Variants in TAF8 observed in about 807,000 individuals in gnomAD.
The protein encoded by TAF8 is transcription initiation factor TFIID subunit 8.
In TAF8, 47 loss-of-function variants were observed where a neutral mutation model predicts 36.5. The observed-to-expected ratio is 1.29, with a 90% confidence interval of 1.02 to 1.64. The LOEUF (loss-of-function observed/expected upper bound fraction) is 1.64. TAF8 is among the 40% of genes most tolerant of loss of function. The probability of loss-of-function intolerance (pLI) is 0.00; values close to 1 mark genes in which losing one functional copy is unlikely to be tolerated. For missense variants in TAF8, 420 were observed against 407.6 expected (o/e 1.03, Z -0.26); for synonymous variants, 175 against 159.5 (o/e 1.10, Z -0.73).
Position 42,080,353 on chromosome 6 carries a change from A to C in TAF8, c.*2808A>C. The C allele has an allele frequency of 2.0e-6, 2 of 985,864 alleles. No individual in the cohort carries two copies. The highest frequency in any genetic ancestry group is 1.2e-6 in the Non-Finnish European group (1 of 833,392). 61.1% of individuals were successfully genotyped at this position (985,864 alleles called of 1,614,324 possible). On this transcript the variant is annotated 3_prime_UTR_variant, in exon 9 of 9. Transcript: ENST00000372977. ...TTCTGCTGTTGAGATTTCAGAGGCT[A>C]TACTCTTTTTTTTTCTTTTCTTTTT...
chr6:42,052,258 TATC>T (rs1285544831), intron 2 of TAF8, among the ~76,000 whole-genome samples: 1 of 151,948 alleles, frequency 6.6e-6, no homozygotes, highest in Non-Finnish European at 1.5e-5. Context: ...ATGCAATAGA[TATC>T]ATCACATTAT....
At position 42,082,101 on chromosome 6, in the gene TAF8, CGTGT is replaced by C. The variant is rs781286883; in HGVS notation, c.*4561_*4564del. On this transcript the variant is annotated 3_prime_UTR_variant, in exon 9 of 9. Coordinates refer to ENST00000372977, the MANE Select transcript of TAF8 (RefSeq NM_138572.3). The stretch of plus-strand genomic sequence containing the variant: ...GCTTATTTAGTTTTCACCATGTGCA[CGTGT>C]GTGTTATGTGTGTGTTGTTCCGTGC... The C allele has an allele frequency of 6.6e-6, 1 of 152,212 alleles. No individual in the cohort carries two copies. Among genetic ancestry groups the C allele is most frequent in the African/African-American group, 2.4e-5 (1 of 41,434 alleles). The allele number at this position is 152,212 out of a possible 1,614,324, so 9.4% of individuals were successfully genotyped here. A position where few individuals can be genotyped will look rare whatever the true frequency, so the allele number is the denominator to read the frequency against.
rs1467886033 is a variant in TAF8, at chr6:42,066,556, TG to T, written c.637+98del. 4.2e-6 allele frequency: 6 copies of T among 1,417,738 alleles called. No homozygotes were observed. The East Asian group carries it at 1.4e-4, about 33-fold the overall frequency. The allele number at this position is 1,417,738 out of a possible 1,614,324, so 87.8% of individuals were successfully genotyped here. The stretch of plus-strand genomic sequence containing the variant: ...TGGTAGGAAGAAACAAATAAGCTTT[TG>T]TCCTTCCCTTGGGTACAGCTTGCCT... On this transcript the variant is annotated intron_variant, in intron 6 of 8. Transcript: ENST00000372977.
At chr6:42,086,706 C>G (rs754414359), downstream of TAF8, 56 of 1,551,084 alleles carry the variant, frequency 3.6e-5, no homozygotes, top group Non-Finnish European at 3.1e-5. Context: ...TTTTTTCACC[C>G]TACGTTCCTC....
chr6:42,086,644 C>T (rs1766033005), downstream of TAF8: 5 of 1,460,760 alleles, frequency 3.4e-6, no homozygotes, highest in Non-Finnish European at 2.8e-6. Flanking sequence ...CAGAAGCTGC[C>T]CCCTCTTCCA....
At position 42,078,262 on chromosome 6, in the gene TAF8, G is replaced by T. The variant is rs1319694541; in HGVS notation, c.*717G>T. ...CCAGTGACTTCGTTCATTATCACAG[G>T]ATTTGATTCCTTTGAAACTCAAGAG... On this transcript the variant is annotated 3_prime_UTR_variant, in exon 9 of 9. Transcript: ENST00000372977. 1 of 985,374 alleles carries T rather than the reference G, an allele frequency of 1.0e-6. No individual in the cohort carries two copies. The highest frequency in any genetic ancestry group is 1.2e-6 in the Non-Finnish European group (1 of 829,974). The allele number at this position is 985,374 out of a possible 1,614,324, so 61.0% of individuals were successfully genotyped here. A position where few individuals can be genotyped will look rare whatever the true frequency, so the allele number is the denominator to read the frequency against.
intron 4 of TAF8, 155 bp downstream of exon 4, chr6:42,056,169 G>A: frequency 1.7e-6 from 1 of 597,542 alleles, no homozygotes; most frequent in African/African-American, 1.9e-5. Flanking sequence ...CTTTATTTGG[G>A]CTAGTCTGAT....
rs377141965 is a variant in TAF8 at position 42,066,300 on chromosome 6, C to T, written c.490-12C>T. The T allele has an allele frequency of 6.8e-6, 11 of 1,613,134 alleles. No homozygotes were observed. Among genetic ancestry groups the T allele is most frequent in the Middle Eastern group, 1.6e-4 (1 of 6,078 alleles). Reference sequence around the variant, plus strand: ...CGGCATCACCCCAGTGTCTTTGCTGCTCTCTTCGTAGACGTACCGTGAGCC... The same window carrying T: ...CGGCATCACCCCAGTGTCTTTGCTGTTCTCTTCGTAGACGTACCGTGAGCC... On this transcript the variant is annotated splice_polypyrimidine_tract_variant and intron_variant, in intron 5 of 8. Transcript: ENST00000372977.
In TAF8 at chr6:42,083,258, C is replaced by T. The variant is rs1014972083; in HGVS notation, c.*5713C>T. 1 of 152,166 alleles carries T rather than the reference C, an allele frequency of 6.6e-6. No homozygotes were observed. Among genetic ancestry groups the T allele is most frequent in the Non-Finnish European group, 1.5e-5 (1 of 68,048 alleles). The allele number at this position is 152,166 out of a possible 1,614,324, so 9.4% of individuals were successfully genotyped here. On this transcript the variant is annotated 3_prime_UTR_variant, in exon 9 of 9. Transcript: ENST00000372977. ...GATGTTCCATGTCAGTAATAAAGAG[C>T]TTCTCTGTTTCGTGGCTGCATGGTT...
intron 8 of TAF8, 62 bp downstream of exon 8, chr6:42,077,301 T>G (rs1765786062): frequency 6.4e-7 from 1 of 1,566,550 alleles, no homozygotes; most frequent in Non-Finnish European, 8.7e-7. Flanking sequence ...CTTCTCTGCT[T>G]CTTGGAAGAG....
In TAF8 at chr6:42,081,240, A is replaced by G. The variant is rs1765917493; in HGVS notation, c.*3695A>G. The stretch of plus-strand genomic sequence containing the variant: ...GTTTCGCGCTGGAGTGCAATGGTGC[A>G]ATCTTGGCCCACTGCAACTTCTGCC... On this transcript the variant is annotated 3_prime_UTR_variant, in exon 9 of 9. Coordinates refer to ENST00000372977, the MANE Select transcript of TAF8 (RefSeq NM_138572.3). The G allele has an allele frequency of 6.6e-6, 1 of 152,272 alleles. No individual in the cohort carries two copies. The highest frequency in any genetic ancestry group is 1.9e-4 in the East Asian group (1 of 5,180). 9.4% of individuals were successfully genotyped at this position (152,272 alleles called of 1,614,324 possible).
intron 7 of TAF8, among the ~76,000 whole-genome samples, chr6:42,074,816 G>A (rs1200051545): frequency 6.0e-5 from 9 of 150,596 alleles, no homozygotes; most frequent in African/African-American, 2.0e-4. Context: ...GATTACAGGC[G>A]TGAGCCACCA....
At chr6:42,051,676 A>C in intron 2 of TAF8, 163 bp downstream of exon 2, 1 of 699,344 alleles carries the variant, frequency 1.4e-6, no homozygotes, top group Non-Finnish European at 2.2e-6. Context: ...AAACAGCACA[A>C]TGGGCCGAGC....
At chr6:42,053,283 C>T (rs546796733) in intron 2 of TAF8, among the ~76,000 whole-genome samples, 34 of 152,174 alleles carry the variant, frequency 2.2e-4, no homozygotes, top group Admixed American at 4.6e-4. Context: ...AATTTTGGGT[C>T]TAGGTGTGGT....
At chr6:42,073,386 G>A (rs1013036552) in intron 7 of TAF8, among the ~76,000 whole-genome samples, 1 of 152,208 alleles carries the variant, frequency 6.6e-6, no homozygotes, top group Non-Finnish European at 1.5e-5. Flanking sequence ...CCTTTTAGGA[G>A]CAGAGTTTGG....
intron 5 of TAF8, among the ~76,000 whole-genome samples, chr6:42,058,731 C>G (rs571202833): frequency 2.7e-4 from 41 of 152,290 alleles, no homozygotes; most frequent in Middle Eastern, 3.4e-3. Context: ...TGCCACAAAC[C>G]AGGTGACTTA....
chr6:42,062,762 G>A (rs1380975935), intron 5 of TAF8, among the ~76,000 whole-genome samples: 2 of 150,730 alleles, frequency 1.3e-5, no homozygotes, highest in African/African-American at 2.4e-5. Flanking sequence ...GGCTGGTCTC[G>A]AACTCCTGAC....
At chr6:42,053,472 G>A (rs1207752995) in intron 2 of TAF8, among the ~76,000 whole-genome samples, 1 of 151,552 alleles carries the variant, frequency 6.6e-6, no homozygotes, top group Admixed American at 6.6e-5. Flanking sequence ...GGCTGAGGCA[G>A]GAGAATCGCT....
intron 4 of TAF8, among the ~76,000 whole-genome samples, chr6:42,056,771 A>T (rs1474334305): frequency 6.6e-6 from 1 of 152,016 alleles, no homozygotes; most frequent in East Asian, 1.9e-4. Flanking sequence ...ACACCCAGCT[A>T]ACTTTTATAT....
Sources: gnomAD v4.1 joint callset for allele counts (sites outside exome capture counted in the v4.1 genomes callset) on GRCh38, gnomAD v4.1.1 for gene constraint, MANE v1.5 for transcripts, NCBI Gene and HGNC (gene_info 2026-07-23, HGNC 2026-07-21) for gene names.